Variants in CHURC1 observed in about 807,000 individuals in gnomAD.
CHURC1 encodes protein Churchill.
CHURC1 carries 12 observed loss-of-function variants against 15.4 expected under a neutral mutation model. The observed-to-expected ratio is 0.78, with a 90% CI of 0.50 to 1.27. The LOEUF (loss-of-function observed/expected upper bound fraction) is 1.27, where lower values mean the gene tolerates loss of function less well. Among genes scored for constraint, CHURC1 ranks in the 50% most tolerant of loss-of-function variants. CHURC1 has a pLI of 0.00. For synonymous variants in CHURC1, 42 were observed against 47.5 expected, an observed-to-expected ratio of 0.88 and a Z score of 0.48; for missense variants, 132 against 137.8, an observed-to-expected ratio of 0.96 and a Z score of 0.21.
Position 64,928,783 on chromosome 14 carries a change from T to A in CHURC1, c.246+2703T>A, listed in dbSNP as rs111648609. On this transcript the variant is annotated intron_variant, in intron 3 of 3. Transcript: ENST00000549115. ...GCCCTTGAGGTCCAAAGTGCTTGAC[T>A]TCTTTCCTTTTTAAATCATTTTAAC... Among the ~76,000 whole-genome samples, 3 of 152,296 alleles carry A rather than the reference T, an allele frequency of 2.0e-5. No homozygotes were observed. In the East Asian group the frequency reaches 5.8e-4, roughly 29 times the overall value.
chr14:64,920,461 A>C (rs953250961), intron 1 of CHURC1, among the ~76,000 whole-genome samples: 29 of 152,206 alleles, frequency 1.9e-4, no homozygotes, highest in Admixed American at 1.8e-3. Context: ...GTCTTGCCTC[A>C]TCTAATAAAA....
intron 3 of CHURC1, 111 bp from the exon 4 acceptor site, chr14:64,932,027 G>A (rs959958568): frequency 2.3e-5 from 31 of 1,361,906 alleles, no homozygotes; most frequent in Non-Finnish European, 3.0e-5. Context: ...TTGATCCAAT[G>A]TACAGAAAGA....
intron 1 of CHURC1, among the ~76,000 whole-genome samples, chr14:64,921,387 C>G (rs1022897309): frequency 6.6e-6 from 1 of 151,848 alleles, no homozygotes; most frequent in Non-Finnish European, 1.5e-5. Flanking sequence ...TAGAAGAAAC[C>G]ATCAAAAAAG....
Position 64,931,532 on chromosome 14 carries a change from TA to T in CHURC1, c.247-595del, listed in dbSNP as rs906939481. Among the ~76,000 whole-genome samples, 550 of 143,362 alleles carry T rather than the reference TA, an allele frequency of 3.8e-3. 4 individuals are homozygous for T. Among genetic ancestry groups the T allele is most frequent in the African/African-American group, 0.012 (452 of 39,234 alleles). 94.1% of individuals were successfully genotyped at this position (143,362 alleles called of 152,430 possible). On this transcript the variant is annotated intron_variant, in intron 3 of 3. Coordinates refer to ENST00000549115, the MANE Select transcript of CHURC1 (RefSeq NM_001386928.1). ...CTGGGCAACACAGTGATACCGTGTC[TA>T]AAAAAAAAAAGAAAAAGGACCTTGC...
intron 3 of CHURC1, 133 bp downstream of exon 3, chr14:64,926,213 T>TC: frequency 3.9e-6 from 1 of 257,002 alleles, no homozygotes; most frequent in South Asian, 1.0e-4. Context: ...GACTATGCCT[T>TC]TTTTTTTTTT....
intron 3 of CHURC1, chr14:64,931,037 TCTAAAC>T: frequency 3.7e-6 from 1 of 271,400 alleles, no homozygotes; most frequent in East Asian, 1.1e-4. Flanking sequence ...CTAGTGACTG[TCTAAAC>T]CTAAGAAACA....
chr14:64,931,012 C>A, intron 3 of CHURC1: 1 of 338,544 alleles, frequency 3.0e-6, no homozygotes, highest in Non-Finnish European at 5.7e-6. Context: ...TCATTGTTTA[C>A]CTCTGTGGCC....
In CHURC1 at chr14:64,914,485, A is replaced by G; in HGVS notation, c.-11A>G. The G allele has an allele frequency of 6.2e-7, 1 of 1,614,260 alleles. No homozygotes were observed. Among genetic ancestry groups the G allele is most frequent in the Non-Finnish European group, 8.5e-7 (1 of 1,180,050 alleles). ...AAGCGTTGGAGGACATTCCCTGTTG[A>G]CTGCGTCGCGATGTGTGGCGACTGT... On this transcript the variant is annotated 5_prime_UTR_variant, in exon 1 of 4. Coordinates refer to ENST00000549115, the MANE Select transcript of CHURC1 (RefSeq NM_001386928.1).
chr14:64,932,608 A>T lies in CHURC1; in HGVS notation c.*378A>T. ...GAACTGTACAAGATGAGCCTAGAGT[A>T]TCTTGTGCCACAGAAAAATGAAGTA... is the stretch of plus-strand genomic sequence containing the variant. On this transcript the variant is annotated 3_prime_UTR_variant, in exon 4 of 4. Coordinates refer to ENST00000549115, the MANE Select transcript of CHURC1 (RefSeq NM_001386928.1). 3.5e-6 allele frequency: 1 copy of T among 285,958 alleles called. No homozygotes were observed. 17.7% of individuals were successfully genotyped at this position (285,958 alleles called of 1,614,324 possible).
At chr14:64,927,292 T>G (rs1022845775) in intron 3 of CHURC1, among the ~76,000 whole-genome samples, 4 of 152,216 alleles carry the variant, frequency 2.6e-5, no homozygotes, top group African/African-American at 9.7e-5. Context: ...TCAAGAAATA[T>G]TTATATGATA....
chr14:64,916,709 C>G (rs1448325043), intron 1 of CHURC1, among the ~76,000 whole-genome samples: 1 of 152,070 alleles, frequency 6.6e-6, no homozygotes, highest in Non-Finnish European at 1.5e-5. Context: ...TCCCGAGTAG[C>G]TCGGACTGCA....
Position 64,933,669 on chromosome 14 carries a change from C to T in CHURC1, c.*1439C>T, listed in dbSNP as rs1885197909. On this transcript the variant is annotated 3_prime_UTR_variant, in exon 4 of 4. Coordinates refer to ENST00000549115, the MANE Select transcript of CHURC1 (RefSeq NM_001386928.1). ...CAATGAGGTGGCTTCAATTAGTGCT[C>T]ATTCTGAGACCTAAATTTAAAGGGT... The T allele has an allele frequency of 3.0e-6, 3 of 985,394 alleles. No homozygotes were observed. Among genetic ancestry groups the T allele is most frequent in the South Asian group, 9.4e-5 (2 of 21,286 alleles). 61.0% of individuals were successfully genotyped at this position (985,394 alleles called of 1,614,324 possible).
intron 1 of CHURC1, among the ~76,000 whole-genome samples, chr14:64,916,637 G>A (rs1454822813): frequency 3.9e-5 from 6 of 152,050 alleles, no homozygotes; most frequent in African/African-American, 1.4e-4. Context: ...GAGTGCAGTG[G>A]CATGATCTCG....
chr14:64,934,990 C>T lies in CHURC1; in HGVS notation c.*2760C>T. ...TGGATCTAATAACGACCACTTGAAC[C>T]CAGTTTCACAGAATCCTTATTTTTC... On this transcript the variant is annotated 3_prime_UTR_variant, in exon 4 of 4. Transcript: ENST00000549115. 1 of 984,206 alleles carries T rather than the reference C, an allele frequency of 1.0e-6. No individual in the cohort carries two copies. Among genetic ancestry groups the T allele is most frequent in the Non-Finnish European group, 1.2e-6 (1 of 828,942 alleles). The allele number at this position is 984,206 out of a possible 1,614,324, so 61.0% of individuals were successfully genotyped here.
chr14:64,930,950 C>A, intron 3 of CHURC1: 1 of 410,844 alleles, frequency 2.4e-6, no homozygotes, highest in Non-Finnish European at 4.8e-6. Context: ...CCTGAACTCA[C>A]CAGTAGAAGA....
Position 64,925,992 on chromosome 14 carries a change from C to A in CHURC1, c.176-18C>A. ...CTCTCTAAGACTTAATTACGTAAGT[C>A]TCTCTTTGTTTTAGCAGATTTGTGT... On this transcript the variant is annotated intron_variant, in intron 2 of 3. Transcript: ENST00000549115. 6.3e-7 allele frequency: 1 copy of A among 1,575,348 alleles called. No individual in the cohort carries two copies. The highest frequency in any genetic ancestry group is 1.2e-5 in the South Asian group (1 of 83,180).
At chr14:64,927,128 A>G (rs1566830549) in intron 3 of CHURC1, among the ~76,000 whole-genome samples, 1 of 152,238 alleles carries the variant, frequency 6.6e-6, no homozygotes, top group Admixed American at 6.5e-5. Flanking sequence ...CTTCCATAGC[A>G]GAATCATAAG....
chr14:64,914,621 G>C (rs1460244294), intron 1 of CHURC1, 87 bp downstream of exon 1: 1 of 1,592,852 alleles, frequency 6.3e-7, no homozygotes, highest in Non-Finnish European at 8.6e-7. Flanking sequence ...GGCCGTACGT[G>C]GGGCGGACTC....
chr14:64,922,178 G>A (rs1228569083), intron 1 of CHURC1, among the ~76,000 whole-genome samples: 1 of 152,128 alleles, frequency 6.6e-6, no homozygotes, highest in Non-Finnish European at 1.5e-5. Flanking sequence ...CACTAGGGTA[G>A]TGGTTACATG....
Sources: gnomAD v4.1 joint callset for allele counts (sites outside exome capture counted in the v4.1 genomes callset) on GRCh38, gnomAD v4.1.1 for gene constraint, MANE v1.5 for transcripts, NCBI Gene and HGNC (gene_info 2026-07-23, HGNC 2026-07-21) for gene names.